Variants in ANLN observed in about 807,000 individuals in gnomAD.
ANLN encodes anillin, actin binding protein.
A neutral mutation model predicts 135.1 loss-of-function variants in ANLN; 59 were observed. The observed-to-expected ratio is 0.44, with a 90% CI of 0.35 to 0.54. The LOEUF (loss-of-function observed/expected upper bound fraction) is 0.54. ANLN is among the 20% of genes least tolerant of loss of function. The pLI is 0.00. For missense variants in ANLN, 1,182 were observed against 1,340.0 expected (o/e 0.88, Z 1.84); for synonymous variants, 406 against 456.4 (o/e 0.89, Z 1.41).
intron 9 of ANLN, among the ~76,000 whole-genome samples, chr7:36,418,988 C>T (rs929270555): frequency 1.3e-5 from 2 of 152,098 alleles, no homozygotes; most frequent in African/African-American, 4.8e-5. Flanking sequence ...AACTCCTGAC[C>T]TCAGTTGATC....
chr7:36,428,256 T>C (rs1006217511), intron 20 of ANLN: 96 of 1,009,462 alleles, frequency 9.5e-5, no homozygotes, highest in Non-Finnish European at 1.2e-4. Context: ...CTTTAACCAG[T>C]TGAGTGATCC....
intron 20 of ANLN, among the ~76,000 whole-genome samples, chr7:36,434,026 C>T (rs1788428856): frequency 6.6e-6 from 1 of 151,978 alleles, no homozygotes; most frequent in South Asian, 2.1e-4. Flanking sequence ...GGATTTTTTT[C>T]CCCTTGATAA....
Position 36,406,458 on chromosome 7 carries a change from G to C in ANLN, c.765G>C (p.Gln255His). 6.2e-7 allele frequency: 1 copy of C among 1,611,238 alleles called. No homozygotes were observed. The highest frequency in any genetic ancestry group is 8.5e-7 in the Non-Finnish European group (1 of 1,177,980). The change falls in exon 4 of 24, where the codon CAG becomes CAC. Residue 255 changes from glutamine (Q) to histidine (H), a missense_variant. Coordinates refer to ENST00000265748, the MANE Select transcript of ANLN (RefSeq NM_018685.5). ...SARINSSSVK[Q>H]EATFCSQRDG... ...GGATCAATAGCAGCAGTGTTAAGCA[G>C]GAAGCTACATTCTGTTCCCAAAGGG... is the stretch of plus-strand genomic sequence containing the variant.
rs200742993 is a variant in ANLN, at chr7:36,425,997, CTTT to C, written c.2749-5_2749-3del. 1.1e-3 allele frequency: 1,483 copies of C among 1,341,582 alleles called. No homozygotes were observed. The highest frequency in any genetic ancestry group is 1.8e-3 in the South Asian group (117 of 66,700). The allele number at this position is 1,341,582 out of a possible 1,614,324, so 83.1% of individuals were successfully genotyped here. On this transcript the variant is annotated splice_polypyrimidine_tract_variant and intron_variant, in intron 18 of 23. Transcript: ENST00000265748. Reference sequence around the variant, plus strand: ...AATAACTTATGTTTCTTCTTCACACCTTTTTTTTTTTTTTTAGAAAAGCAACAT... The same window carrying C: ...AATAACTTATGTTTCTTCTTCACACCTTTTTTTTTTTTAGAAAAGCAACAT...
Position 36,419,392 on chromosome 7 carries a change from C to T in ANLN, c.1782C>T (p.Ser594=). The part of the protein sequence containing the change: ...QEEMDQALAE[S]SEEQEDALNI... ...AGATGGATCAAGCATTAGCAGAAAG[C>T]AGCGAAGAACAGGAAGATGCACTGA... Residue 594 remains serine, a synonymous_variant, in exon 10 of 24, where the codon AGC becomes AGT. Transcript: ENST00000265748. 1 of 1,614,100 alleles carries T rather than the reference C, an allele frequency of 6.2e-7. No homozygotes were observed. Among genetic ancestry groups the T allele is most frequent in the Non-Finnish European group, 8.5e-7 (1 of 1,180,016 alleles).
At position 36,396,258 on chromosome 7, in the gene ANLN, T is replaced by G; in HGVS notation, c.19-8T>G. On this transcript the variant is annotated splice_polypyrimidine_tract_variant and splice_region_variant and intron_variant, in intron 1 of 23. Coordinates refer to ENST00000265748, the MANE Select transcript of ANLN (RefSeq NM_018685.5). ...TGTGTTTTAACACTGATATATTTATTTATGTAGAAACTGCTGGAGCGAACC... is the reference window on the plus strand; with the variant it reads ...TGTGTTTTAACACTGATATATTTATGTATGTAGAAACTGCTGGAGCGAACC... 1.3e-6 allele frequency: 2 copies of G among 1,569,974 alleles called. No individual in the cohort carries two copies. The highest frequency in any genetic ancestry group is 1.7e-6 in the Non-Finnish European group (2 of 1,157,246).
Position 36,402,261 on chromosome 7 carries a change from G to A in ANLN, c.487+2868G>A, listed in dbSNP as rs146409219. On this transcript the variant is annotated intron_variant, in intron 3 of 23. Transcript: ENST00000265748. ...TGAGTAGCAGGGATTACAGGCACAC[G>A]CCACCACACCCAGCTAATTTTTTGT... 3.6e-3 allele frequency among the ~76,000 whole-genome samples: 420 copies of A among 116,370 alleles called. 133 individuals are homozygous for A. Among genetic ancestry groups the A allele is most frequent in the African/African-American group, 0.014 (394 of 27,220 alleles). 76.3% of individuals were successfully genotyped at this position (116,370 alleles called of 152,430 possible).
Position 36,396,394 on chromosome 7 carries a change from C to T in ANLN, c.147C>T (p.Asn49=). 1.3e-6 allele frequency: 2 copies of T among 1,591,922 alleles called. No homozygotes were observed. The highest frequency in any genetic ancestry group is 1.7e-6 in the Non-Finnish European group (2 of 1,164,128). ...RARQPLSEAS[N]QQPLSGGEEK... ...GACAGCCACTTTCAGAAGCAAGTAA[C>T]CAGCAGCCCCTCTCTGGTGGTGAAG... The change falls in exon 2 of 24, where the codon AAC becomes AAT. Residue 49 remains asparagine (N), a synonymous_variant. Coordinates refer to ENST00000265748, the MANE Select transcript of ANLN (RefSeq NM_018685.5).
chr7:36,407,753 A>C lies in ANLN; in HGVS notation c.893A>C (p.Lys298Thr). Residue 298 changes from lysine (K) to threonine (T), a missense_variant, in exon 5 of 24, where the codon AAA becomes ACA. Around this residue, in one of 3 missense-constraint regions of ANLN, gnomAD observed 1,022 missense variants for 1,134.0 expected, o/e 0.90. Transcript: ENST00000265748. The part of the protein sequence containing the change: ...SSSVKATSPV[K>T]STTSITDAKS... ...TTTCAGAAAGCTACTTCTCCAGTGA[A>C]ATCTACTACATCTATCACTGATGCT... The C allele has an allele frequency of 1.9e-6, 3 of 1,612,782 alleles. No individual in the cohort carries two copies. Among genetic ancestry groups the C allele is most frequent in the Non-Finnish European group, 2.5e-6 (3 of 1,179,072 alleles).
intron 21 of ANLN, among the ~76,000 whole-genome samples, chr7:36,442,007 T>C (rs1390190626): frequency 6.6e-6 from 1 of 152,166 alleles, no homozygotes; most frequent in Non-Finnish European, 1.5e-5. Flanking sequence ...AGCAAGCCAA[T>C]TAATCTGAGG....
intron 19 of ANLN, 67 bp from the exon 20 acceptor site, chr7:36,426,849 G>A (rs1788099643): frequency 2.2e-6 from 2 of 894,290 alleles, no homozygotes; most frequent in South Asian, 2.1e-5. Flanking sequence ...GGGATGGGGT[G>A]AGGAATTGTT....
chr7:36,436,031 ATGT>A (rs532693252), intron 20 of ANLN, among the ~76,000 whole-genome samples: 68 of 152,252 alleles, frequency 4.5e-4, no homozygotes, highest in African/African-American at 1.4e-3. Flanking sequence ...TACATTCACA[ATGT>A]TGTTCAAAAT....
In ANLN at chr7:36,396,258, T is replaced by A. The variant is rs1786690104; in HGVS notation, c.19-8T>A. ...TGTGTTTTAACACTGATATATTTAT[T>A]TATGTAGAAACTGCTGGAGCGAACC... On this transcript the variant is annotated splice_polypyrimidine_tract_variant and splice_region_variant and intron_variant, in intron 1 of 23. Transcript: ENST00000265748. The A allele has an allele frequency of 6.4e-7, 1 of 1,569,974 alleles. No homozygotes were observed. The highest frequency in any genetic ancestry group is 8.6e-7 in the Non-Finnish European group (1 of 1,157,246).
intron 7 of ANLN, among the ~76,000 whole-genome samples, chr7:36,411,890 C>T (rs1787428539): frequency 1.3e-5 from 2 of 152,106 alleles, no homozygotes; most frequent in Admixed American, 1.3e-4. Context: ...GTCCACATAC[C>T]TAGATTCCGA....
chr7:36,395,653 C>T (rs867994577), intron 1 of ANLN, among the ~76,000 whole-genome samples: 1 of 152,066 alleles, frequency 6.6e-6, no homozygotes, highest in Non-Finnish European at 1.5e-5. Context: ...TCTCATGATT[C>T]AGTGGGTCAA....
intron 7 of ANLN, among the ~76,000 whole-genome samples, chr7:36,414,355 A>G (rs1212192745): frequency 6.6e-6 from 1 of 152,174 alleles, no homozygotes. Context: ...ATAAGGGGTG[A>G]TAATTGATGG....
chr7:36,447,425 T>TA (rs1461145749), intron 22 of ANLN, among the ~76,000 whole-genome samples: 1 of 147,602 alleles, frequency 6.8e-6, no homozygotes, highest in Non-Finnish European at 1.5e-5. Flanking sequence ...ATCTTTTTTT[T>TA]TTTTTTTTTT....
At chr7:36,450,662 G>C (rs1386142400) in intron 23 of ANLN, among the ~76,000 whole-genome samples, 1 of 152,126 alleles carries the variant, frequency 6.6e-6, no homozygotes, top group East Asian at 1.9e-4. Context: ...ATTACTTCCA[G>C]ATTTATTCAT....
At chr7:36,394,456 CAT>C (rs1200923068) in intron 1 of ANLN, among the ~76,000 whole-genome samples, 2 of 152,038 alleles carry the variant, frequency 1.3e-5, no homozygotes, top group Non-Finnish European at 2.9e-5. Context: ...AATTATCGGA[CAT>C]ATATGGATTT....
Sources: gnomAD v4.1 joint callset for allele counts (sites outside exome capture counted in the v4.1 genomes callset) on GRCh38, gnomAD v4.1.1 for gene constraint, gnomAD v4.1.1 regional missense constraint, MANE v1.5 for transcripts, NCBI Gene and HGNC (gene_info 2026-07-23, HGNC 2026-07-21) for gene names.